The following INSR variants were observed in gnomAD, a reference collection of about 807,000 sequenced individuals.
INSR encodes the protein IR.
Under a neutral mutation model 142.6 loss-of-function variants are expected in INSR, and 67 were observed. The observed-to-expected ratio is 0.47, with a 90% CI of 0.39 to 0.58. The LOEUF (loss-of-function observed/expected upper bound fraction) is 0.58, where lower values mean the gene tolerates loss of function less well. Ranked by LOEUF, INSR falls within the 20% of genes least tolerant of loss-of-function variation. INSR has a pLI of 0.00. For missense variants in INSR, 1,248 were observed against 1,833.2 expected (o/e 0.68, Z 5.83); for synonymous variants, 756 against 743.1 (o/e 1.02, Z -0.28).
Position 7,152,923 on chromosome 19 carries a change from C to T in INSR, c.2034G>A (p.Leu678=), listed in dbSNP as rs763399748. The T allele has an allele frequency of 3.7e-6, 6 of 1,610,834 alleles. No homozygotes were observed. The Admixed American group carries it at 5.0e-5, about 13-fold the overall frequency. The change falls in exon 10 of 22, where the codon CTG becomes CTA. Residue 678 remains leucine, a synonymous_variant. Transcript: ENST00000302850. ...LFELDYCLKG[L]KLPSRTWSPP... is the part of the protein sequence containing the mutation. ...GAGACCAGGTCCTCGAGGGCAGCTT[C>T]AGCCCTGGAGAAAGAAACAGAAAAG...
chr19:7,185,859 AGAG>A (rs1429093843), intron 2 of INSR, among the ~76,000 whole-genome samples: 162 of 128,508 alleles, frequency 1.3e-3, no homozygotes, highest in African/African-American at 5.1e-3. Flanking sequence ...AAAAAAAAAA[AGAG>A]AGAGAGAGAC....
At chr19:7,270,593 T>TAAA (rs1353688566) in intron 1 of INSR, among the ~76,000 whole-genome samples, 1 of 151,160 alleles carries the variant, frequency 6.6e-6, no homozygotes, top group East Asian at 1.9e-4. Context: ...CTCTAAAAAA[T>TAAA]AATAATAATA....
chr19:7,166,898 G>A lies in INSR; in HGVS notation c.1611-494C>T, dbSNP rs1213386543. 4.0e-5 allele frequency among the ~76,000 whole-genome samples: 6 copies of A among 151,590 alleles called. No homozygotes were observed. Among genetic ancestry groups the A allele is most frequent in the African/African-American group, 1.2e-4 (5 of 41,218 alleles). ...CGCACCACTGCACTCCAGCCTGGGC[G>A]ACAAAGGGAGACTCTGTTTCAAAAA... On this transcript the variant is annotated intron_variant, in intron 7 of 21. Transcript: ENST00000302850. This position sits in a 1 kb window ranked among gnomAD's most constrained non-coding sequence, Gnocchi z 4.1.
intron 2 of INSR, among the ~76,000 whole-genome samples, chr19:7,193,132 T>C (rs118069352): frequency 6.0e-4 from 90 of 151,260 alleles, no homozygotes; most frequent in Non-Finnish European, 8.3e-4. Context: ...TTTTTTTTTT[T>C]CCCCAGATGG....
rs898299432 is a variant in INSR at position 7,119,829 on chromosome 19, A to AAC, written c.3660-248_3660-247dup. Among the ~76,000 whole-genome samples, 3 of 40,162 alleles carry AAC rather than the reference A, an allele frequency of 7.5e-5. No homozygotes were observed. The highest frequency in any genetic ancestry group is 1.2e-3 in the East Asian group (2 of 1,694). 26.3% of individuals were successfully genotyped at this position (40,162 alleles called of 152,430 possible). ...ACACACAAACACATATACACACACA[A>AAC]ACACACACACCCAAACACACACACG... On this transcript the variant is annotated intron_variant, in intron 20 of 21. Transcript: ENST00000302850. This position sits in a 1 kb window ranked among gnomAD's most constrained non-coding sequence, Gnocchi z 5.2.
intron 2 of INSR, among the ~76,000 whole-genome samples, chr19:7,228,333 T>C (rs1186594420): frequency 6.6e-6 from 1 of 152,256 alleles, no homozygotes; most frequent in African/African-American, 2.4e-5. Flanking sequence ...GCTGTCATTA[T>C]ACACAGACAA....
At chr19:7,174,434 G>A (rs931256842) in intron 4 of INSR, 149 bp downstream of exon 4, 2 of 845,452 alleles carry the variant, frequency 2.4e-6, no homozygotes, top group African/African-American at 3.3e-5. Flanking sequence ...TCCCAGCATG[G>A]TTCTATCCAT....
At chr19:7,236,700 G>C (rs1976167627) in intron 2 of INSR, among the ~76,000 whole-genome samples, 1 of 152,168 alleles carries the variant, frequency 6.6e-6, no homozygotes, top group African/African-American at 2.4e-5. Context: ...TCACTCATAA[G>C]TGGGAGCTAA....
intron 2 of INSR, among the ~76,000 whole-genome samples, chr19:7,230,966 C>T (rs1255124031): frequency 6.6e-6 from 1 of 152,198 alleles, no homozygotes; most frequent in Admixed American, 6.5e-5. Flanking sequence ...AAAGCCAGTG[C>T]CAAGGAGGCG....
chr19:7,263,234 A>AGCTAGGTGG, intron 2 of INSR, among the ~76,000 whole-genome samples: 1 of 151,976 alleles, frequency 6.6e-6, no homozygotes, highest in Admixed American at 6.6e-5. Context: ...AGCTGAGATC[A>AGCTAGGTGG]CACCACTGCC....
At chr19:7,209,660 C>T (rs968334598) in intron 2 of INSR, among the ~76,000 whole-genome samples, 26 of 151,970 alleles carry the variant, frequency 1.7e-4, no homozygotes, top group African/African-American at 3.1e-4. Flanking sequence ...GCGATCCTCC[C>T]GTCTCAGCCT....
At chr19:7,189,493 T>C (rs1974519146) in intron 2 of INSR, among the ~76,000 whole-genome samples, 1 of 152,152 alleles carries the variant, frequency 6.6e-6, no homozygotes, top group South Asian at 2.1e-4. Context: ...ACATATGGTG[T>C]TGGTTGAAAC....
intron 2 of INSR, among the ~76,000 whole-genome samples, chr19:7,188,890 A>G (rs1974504187): frequency 6.6e-6 from 1 of 151,626 alleles, no homozygotes; most frequent in Non-Finnish European, 1.5e-5. Flanking sequence ...AAAAAAAAAA[A>G]AAAGGGAGGG....
Position 7,125,170 on chromosome 19 carries a change from G to C in INSR, c.3258+113C>G. The C allele has an allele frequency of 2.4e-6, 3 of 1,273,266 alleles. No homozygotes were observed. The South Asian group carries it at 3.7e-5, about 16-fold the overall frequency. 78.9% of individuals were successfully genotyped at this position (1,273,266 alleles called of 1,614,324 possible). On this transcript the variant is annotated intron_variant, in intron 17 of 21. Coordinates refer to ENST00000302850, the MANE Select transcript of INSR (RefSeq NM_000208.4). This position sits in a 1 kb window ranked among gnomAD's most constrained non-coding sequence, Gnocchi z 4.9. ...TAGGATGGGAAGCTTAGTGGAGTGA[G>C]GGGTGGGTAGGAGGTTACACCCTGT... is the stretch of plus-strand genomic sequence containing the variant.
chr19:7,117,033 C>G lies in INSR; in HGVS notation c.*23G>C. On this transcript the variant is annotated 3_prime_UTR_variant, in exon 22 of 22. Coordinates refer to ENST00000302850, the MANE Select transcript of INSR (RefSeq NM_000208.4). ...GAAAGCGAAAATGGGAACCCCTGCCCGCCCCCGCCACGGTAGGCACTGTTA... is the reference window on the plus strand; with the variant it reads ...GAAAGCGAAAATGGGAACCCCTGCCGGCCCCCGCCACGGTAGGCACTGTTA... 6.3e-7 allele frequency: 1 copy of G among 1,593,472 alleles called. No individual in the cohort carries two copies. The highest frequency in any genetic ancestry group is 8.6e-7 in the Non-Finnish European group (1 of 1,161,162).
rs1432919298 is a variant in INSR at position 7,290,779 on chromosome 19, A to AG, written c.100+3012_100+3013insC. ...ACACCCTGTCTCAAAAAAAAAAAAG[A>AG]AAAAAAAAAAGGCCAGGTACGGTGG... On this transcript the variant is annotated intron_variant, in intron 1 of 21. Coordinates refer to ENST00000302850, the MANE Select transcript of INSR (RefSeq NM_000208.4). Among the ~76,000 whole-genome samples, 154 of 135,826 alleles carry AG rather than the reference A, an allele frequency of 1.1e-3. 1 individual carries two copies. The highest frequency in any genetic ancestry group is 3.9e-3 in the African/African-American group (136 of 34,526). The allele number at this position is 135,826 out of a possible 152,430, so 89.1% of individuals were successfully genotyped here.
chr19:7,139,454 A>G (rs1366141699), intron 13 of INSR, among the ~76,000 whole-genome samples: 1 of 152,232 alleles, frequency 6.6e-6, no homozygotes, highest in African/African-American at 2.4e-5. Flanking sequence ...ATTAAATTCT[A>G]TCTAGCAACT....
chr19:7,265,020 G>A (rs957984051), intron 2 of INSR, among the ~76,000 whole-genome samples: 1 of 152,172 alleles, frequency 6.6e-6, no homozygotes, highest in East Asian at 1.9e-4. Flanking sequence ...CAGATAAGAA[G>A]ATCCTCCTTT....
At chr19:7,286,387 T>A (rs1448334173) in intron 1 of INSR, among the ~76,000 whole-genome samples, 1 of 151,880 alleles carries the variant, frequency 6.6e-6, no homozygotes, top group East Asian at 1.9e-4. Context: ...GATTTTTTTT[T>A]ATTATTTCTT....
Sources: allele counts gnomAD v4.1 joint callset (sites outside exome capture counted in the v4.1 genomes callset), GRCh38; gene constraint gnomAD v4.1.1; non-coding constraint Gnocchi (gnomAD v3.1); transcripts MANE v1.5; gene names NCBI Gene and HGNC (gene_info 2026-07-23, HGNC 2026-07-21).